Variants in AGBL4 observed in about 807,000 individuals in gnomAD.
The protein encoded by AGBL4 is cytosolic carboxypeptidase 6.
Under a neutral mutation model 66.4 loss-of-function variants are expected in AGBL4, and 58 were observed. The ratio of observed to expected loss-of-function variants is 0.87; its 90% CI spans 0.71 to 1.09. The LOEUF is 1.09. Ranked by LOEUF, AGBL4 falls within the 50% of genes least tolerant of loss-of-function variation. The probability of loss-of-function intolerance (pLI) is 0.00; values close to 1 mark genes in which losing one functional copy is unlikely to be tolerated. For missense variants in AGBL4, 579 were observed against 631.0 expected (o/e 0.92, Z 0.88); for synonymous variants, 234 against 222.9 (o/e 1.05, Z -0.44).
intron 4 of AGBL4, among the ~76,000 whole-genome samples, chr1:49,148,401 A>G (rs547147326): frequency 3.9e-5 from 6 of 152,194 alleles, no homozygotes; most frequent in African/African-American, 1.4e-4. Flanking sequence ...CTCCCACTCA[A>G]CACCCTACCT....
chr1:49,872,643 G>C (rs1646865556), intron 1 of AGBL4, among the ~76,000 whole-genome samples: 1 of 152,002 alleles, frequency 6.6e-6, no homozygotes, highest in Non-Finnish European at 1.5e-5. Flanking sequence ...AAAGGTCTTA[G>C]GTTCCTTATC....
At chr1:49,302,356 G>A (rs1330021862) in intron 3 of AGBL4, among the ~76,000 whole-genome samples, 1 of 151,572 alleles carries the variant, frequency 6.6e-6, no homozygotes, top group Non-Finnish European at 1.5e-5. Flanking sequence ...AGGTTGAAGT[G>A]ATTCTCCTGC....
chr1:49,733,306 T>C (rs1484874685), intron 2 of AGBL4, among the ~76,000 whole-genome samples: 1 of 152,144 alleles, frequency 6.6e-6, no homozygotes, highest in Non-Finnish European at 1.5e-5. Flanking sequence ...TGAAAGAACA[T>C]GGTACCAAGA....
chr1:48,914,199 G>C (rs905762673), intron 5 of AGBL4, among the ~76,000 whole-genome samples: 1 of 152,188 alleles, frequency 6.6e-6, no homozygotes, highest in African/African-American at 2.4e-5. Flanking sequence ...CATTAGATAA[G>C]AATTGCTAAC....
At chr1:48,734,837 TG>T (rs1026229925) in intron 6 of AGBL4, among the ~76,000 whole-genome samples, 2 of 152,238 alleles carry the variant, frequency 1.3e-5, no homozygotes, top group African/African-American at 4.8e-5. Flanking sequence ...TGGACATATT[TG>T]TTGTCTGCCC....
intron 3 of AGBL4, among the ~76,000 whole-genome samples, chr1:49,248,068 G>A (rs1013993516): frequency 2.0e-5 from 3 of 152,196 alleles, no homozygotes; most frequent in African/African-American, 4.8e-5. Flanking sequence ...TAGCAACATC[G>A]CTTGTGGTGG....
chr1:49,877,810 A>G (rs1042234884), intron 1 of AGBL4, among the ~76,000 whole-genome samples: 6 of 150,776 alleles, frequency 4.0e-5, no homozygotes, highest in Non-Finnish European at 7.4e-5. Flanking sequence ...TGGTTGGTAA[A>G]CTATTGATTA....
intron 5 of AGBL4, among the ~76,000 whole-genome samples, chr1:49,000,976 CA>C (rs934461587): frequency 2.6e-5 from 4 of 152,154 alleles, no homozygotes; most frequent in African/African-American, 7.2e-5. Flanking sequence ...AACCCAAAGG[CA>C]AAAGCTCAGG....
chr1:50,011,284 G>A (rs1661511255), intron 1 of AGBL4, among the ~76,000 whole-genome samples: 1 of 152,062 alleles, frequency 6.6e-6, no homozygotes, highest in African/African-American at 2.4e-5. Context: ...ATACGAAAAG[G>A]TGTTTGACAT....
intron 1 of AGBL4, among the ~76,000 whole-genome samples, chr1:49,982,984 G>C (rs973774213): frequency 2.6e-5 from 4 of 152,150 alleles, no homozygotes; most frequent in Non-Finnish European, 4.4e-5. Flanking sequence ...ATGAATAAGA[G>C]CTATCCACTG....
intron 3 of AGBL4, among the ~76,000 whole-genome samples, chr1:49,506,763 T>C (rs1238063161): frequency 6.6e-6 from 1 of 152,050 alleles, no homozygotes; most frequent in African/African-American, 2.4e-5. Flanking sequence ...ATAGTTTACT[T>C]AATTGGGGAA....
At chr1:48,885,202 A>G (rs958420186) in intron 5 of AGBL4, among the ~76,000 whole-genome samples, 1 of 152,182 alleles carries the variant, frequency 6.6e-6, no homozygotes, top group Non-Finnish European at 1.5e-5. Flanking sequence ...CAGACAAGAA[A>G]ATAATATTTT....
chr1:48,673,499 G>T (rs993160626), intron 6 of AGBL4, among the ~76,000 whole-genome samples: 1 of 152,138 alleles, frequency 6.6e-6, no homozygotes, highest in Non-Finnish European at 1.5e-5. Flanking sequence ...ATCCCCACTG[G>T]CATTTTTATA....
At chr1:49,845,115 A>G (rs1183866380) in intron 2 of AGBL4, 1 of 1,446,684 alleles carries the variant, frequency 6.9e-7, no homozygotes, top group Non-Finnish European at 9.7e-7. Flanking sequence ...GTCACAGCTC[A>G]GCACTTACCC....
At chr1:50,011,986 C>T (rs1361269024) in intron 1 of AGBL4, among the ~76,000 whole-genome samples, 1 of 151,788 alleles carries the variant, frequency 6.6e-6, no homozygotes, top group Admixed American at 6.6e-5. Flanking sequence ...GGTGAAACCC[C>T]GTCTCTACTA....
intron 5 of AGBL4, among the ~76,000 whole-genome samples, chr1:48,876,045 G>A (rs1477832824): frequency 6.6e-6 from 1 of 152,166 alleles, no homozygotes; most frequent in African/African-American, 2.4e-5. Flanking sequence ...TCTGCACAAG[G>A]GAGTGAAAGA....
At chr1:49,425,658 T>C (rs1197699038) in intron 3 of AGBL4, among the ~76,000 whole-genome samples, 1 of 152,196 alleles carries the variant, frequency 6.6e-6, no homozygotes, top group Admixed American at 6.5e-5. Flanking sequence ...CTCATACATA[T>C]TAATTACTTT....
chr1:49,259,063 A>G (rs1302989203), intron 3 of AGBL4, among the ~76,000 whole-genome samples: 2 of 152,174 alleles, frequency 1.3e-5, no homozygotes, highest in Non-Finnish European at 2.9e-5. Flanking sequence ...ACTAAGATCC[A>G]TAAGTGAAGG....
intron 5 of AGBL4, among the ~76,000 whole-genome samples, chr1:49,012,437 A>T (rs1475202877): frequency 6.6e-6 from 1 of 152,204 alleles, no homozygotes; most frequent in African/African-American, 2.4e-5. Context: ...AGAGTCTCTT[A>T]TATACTAGGC....
Sources: allele counts gnomAD v4.1 joint callset (sites outside exome capture counted in the v4.1 genomes callset), GRCh38; gene constraint gnomAD v4.1.1; transcripts MANE v1.5; gene names NCBI Gene and HGNC (gene_info 2026-07-23, HGNC 2026-07-21).